The following EPB41L1 variants were observed in gnomAD, a reference collection of about 807,000 sequenced individuals.
EPB41L1 encodes erythrocyte membrane protein band 4.1 like 1.
In EPB41L1, 29 loss-of-function variants were observed where a neutral mutation model predicts 97.8. That is an observed-to-expected ratio of 0.30 (90% CI 0.22 to 0.40). The LOEUF (loss-of-function observed/expected upper bound fraction) is 0.40. EPB41L1 is among the 10% of genes least tolerant of loss of function. The pLI is 1.00. For missense variants in EPB41L1, 812 were observed against 1,162.3 expected (o/e 0.70, Z 4.38); for synonymous variants, 383 against 459.2 (o/e 0.83, Z 2.12).
intron 16 of EPB41L1, among the ~76,000 whole-genome samples, chr20:36,213,187 C>A (rs1462583193): frequency 6.6e-6 from 1 of 152,136 alleles, no homozygotes; most frequent in Non-Finnish European, 1.5e-5. Flanking sequence ...CGCTTGAGCC[C>A]AGGGGTACAA....
At chr20:36,216,060 G>A (rs2146957367) in intron 17 of EPB41L1, among the ~76,000 whole-genome samples, 1 of 152,310 alleles carries the variant, frequency 6.6e-6, no homozygotes, top group East Asian at 1.9e-4. Flanking sequence ...GCAAAGCCCT[G>A]AGAACAGTGC....
chr20:36,111,765 C>A (rs1405738707), intron 1 of EPB41L1, among the ~76,000 whole-genome samples: 10 of 135,462 alleles, frequency 7.4e-5, no homozygotes, highest in Non-Finnish European at 1.2e-4. Flanking sequence ...CCAGCCTGGG[C>A]GACAGAGCGA....
chr20:36,191,932 G>C (rs1436140365), intron 11 of EPB41L1, among the ~76,000 whole-genome samples: 1 of 152,146 alleles, frequency 6.6e-6, no homozygotes, highest in Non-Finnish European at 1.5e-5. Flanking sequence ...TGGCTTAAAG[G>C]TGGGAAGTGG....
intron 2 of EPB41L1, among the ~76,000 whole-genome samples, chr20:36,174,854 G>A (rs1476800314): frequency 6.6e-6 from 1 of 152,166 alleles, no homozygotes; most frequent in Non-Finnish European, 1.5e-5. Flanking sequence ...AGTAACAGAG[G>A]TGAAGACAAA....
At chr20:36,113,649 C>A (rs1304270105) in intron 2 of EPB41L1, 1 of 152,546 alleles carries the variant, frequency 6.6e-6, no homozygotes, top group East Asian at 1.9e-4. Flanking sequence ...CCATGGAGAT[C>A]TCTGGGCAGG....
chr20:36,152,787 C>T, upstream of EPB41L1: 1 of 350,788 alleles, frequency 2.9e-6, no homozygotes, highest in South Asian at 2.1e-5. Context: ...AGGCCACGGC[C>T]CCAGGGGCCT....
chr20:36,145,036 G>A (rs1366694485), intron 2 of EPB41L1, among the ~76,000 whole-genome samples: 12 of 152,092 alleles, frequency 7.9e-5, no homozygotes, highest in African/African-American at 2.4e-4. Flanking sequence ...TCCAGTGTGC[G>A]TTAGAATCAC....
At position 36,212,891 on chromosome 20, in the gene EPB41L1, T is replaced by C. The variant is rs777117247; in HGVS notation, c.2184+515T>C. On this transcript the variant is annotated intron_variant, in intron 16 of 21. Transcript: ENST00000338074. This position sits in a 1 kb window ranked among gnomAD's most constrained non-coding sequence, Gnocchi z 4.8. ...AAAGAAGAAAACCGAAGATCATGTG[T>C]CTTGACAAGAAGCAGCATCCTGACC... Among the ~76,000 whole-genome samples, 5 of 152,200 alleles carry C rather than the reference T, an allele frequency of 3.3e-5. No individual in the cohort carries two copies. Among genetic ancestry groups the C allele is most frequent in the African/African-American group, 4.8e-5 (2 of 41,440 alleles).
At chr20:36,224,875 G>A (rs1257190450) in intron 21 of EPB41L1, among the ~76,000 whole-genome samples, 3 of 152,048 alleles carry the variant, frequency 2.0e-5, no homozygotes, top group Admixed American at 1.3e-4. Context: ...AGGCTGGAGT[G>A]CAGTGGCACG....
chr20:36,175,579 G>A lies in EPB41L1; in HGVS notation c.206G>A (p.Ser69Asn), dbSNP rs772685833. ...QSLDMEEKDYSEADGLSERTT... is the reference protein window; with the variant it reads ...QSLDMEEKDYNEADGLSERTT... ...CTAGACATGGAGGAGAAGGACTACA[G>A]TGAGGCCGATGGCCTTTCGGAGAGG... The change falls in exon 3 of 22, where the codon AGT (serine) becomes AAT (asparagine). Residue 69 changes from serine to asparagine, a missense_variant. By Grantham distance (46) the Ser-to-Asn change is conservative (BLOSUM62 1). This residue lies in a region of EPB41L1 where 84 missense variants were observed against 94.3 expected (regional missense o/e 0.89). Coordinates refer to ENST00000338074, the MANE Select transcript of EPB41L1 (RefSeq NM_012156.2). 2 of 1,614,238 alleles carry A rather than the reference G, an allele frequency of 1.2e-6. No homozygotes were observed. The highest frequency in any genetic ancestry group is 2.2e-5 in the South Asian group (2 of 91,090).
upstream of EPB41L1, chr20:36,154,673 C>T (rs1297346516): frequency 5.1e-6 from 5 of 978,388 alleles, no homozygotes; most frequent in Admixed American, 6.4e-5. This position sits in a 1 kb window ranked among gnomAD's most constrained non-coding sequence, Gnocchi z 5.5. Context: ...GCGCCAGGCC[C>T]GGGGCTGTGG....
chr20:36,112,633 C>T (rs1460783717), intron 2 of EPB41L1, among the ~76,000 whole-genome samples: 3 of 152,198 alleles, frequency 2.0e-5, no homozygotes, highest in African/African-American at 4.8e-5. Flanking sequence ...GCGCTGAAAA[C>T]GGGGGCCATG....
intron 2 of EPB41L1, among the ~76,000 whole-genome samples, chr20:36,135,369 C>T (rs928671308): frequency 1.2e-4 from 19 of 152,154 alleles, no homozygotes; most frequent in African/African-American, 3.9e-4. Context: ...CCAGAGCCCA[C>T]GGTCTTGGCC....
rs117099813 is a variant in EPB41L1 at position 36,203,235 on chromosome 20, C to T, written c.1668+5194C>T. Among the ~76,000 whole-genome samples, 518 of 152,324 alleles carry T rather than the reference C, an allele frequency of 3.4e-3. 4 individuals carry two copies. The highest frequency in any genetic ancestry group is 0.027 in the Middle Eastern group (8 of 294). On this transcript the variant is annotated intron_variant, in intron 14 of 21. Coordinates refer to ENST00000338074, the MANE Select transcript of EPB41L1 (RefSeq NM_012156.2). ...TCAGTTTTCTTTTCCTCTTCAGGAT[C>T]CTACATTTTACTTTGTCCCCCGCTG...
At chr20:36,118,959 G>T (rs755540066) in intron 2 of EPB41L1, among the ~76,000 whole-genome samples, 1 of 152,226 alleles carries the variant, frequency 6.6e-6, no homozygotes, top group Non-Finnish European at 1.5e-5. Flanking sequence ...TAGAGTTTTA[G>T]AGAGTTGAAA....
chr20:36,117,397 G>C (rs2058618712), intron 2 of EPB41L1, among the ~76,000 whole-genome samples: 1 of 151,812 alleles, frequency 6.6e-6, no homozygotes, highest in Non-Finnish European at 1.5e-5. Context: ...TTCTGTAAGG[G>C]GAAAAGAGGC....
At position 36,190,920 on chromosome 20, in the gene EPB41L1, A is replaced by G; in HGVS notation, c.1300+123A>G. 7.3e-7 allele frequency: 1 copy of G among 1,375,170 alleles called. No homozygotes were observed. Among genetic ancestry groups the G allele is most frequent in the South Asian group, 1.2e-5 (1 of 80,224 alleles). 85.2% of individuals were successfully genotyped at this position (1,375,170 alleles called of 1,614,324 possible). ...GATGCATCCCAAGTTCATCTGCACC[A>G]GGCTGGCCCCTCAAGACCAGTGCTG... On this transcript the variant is annotated intron_variant, in intron 11 of 21. Coordinates refer to ENST00000338074, the MANE Select transcript of EPB41L1 (RefSeq NM_012156.2). The surrounding 1 kb of genome is among the most constrained non-coding windows in gnomAD (Gnocchi z 5.8).
chr20:36,108,975 G>A (rs1190781652), intron 1 of EPB41L1, among the ~76,000 whole-genome samples: 3 of 149,828 alleles, frequency 2.0e-5, no homozygotes, highest in Admixed American at 6.7e-5. Context: ...ATGGAGTCTC[G>A]CTCTGTTGCC....
chr20:36,108,213 CA>C (rs1391222417), intron 1 of EPB41L1, among the ~76,000 whole-genome samples: 8 of 151,988 alleles, frequency 5.3e-5, no homozygotes, highest in Non-Finnish European at 5.9e-5. Context: ...CTCCTGGTTT[CA>C]AGAGGTCCTT....
Sources: gnomAD v4.1 joint callset for allele counts (sites outside exome capture counted in the v4.1 genomes callset) on GRCh38, gnomAD v4.1.1 for gene constraint, gnomAD v4.1.1 regional missense constraint, Gnocchi (gnomAD v3.1) non-coding constraint, MANE v1.5 for transcripts, NCBI Gene and HGNC (gene_info 2026-07-23, HGNC 2026-07-21) for gene names.